ROBO2: variants seen among roughly 807,000 people sequenced by gnomAD.
The protein encoded by ROBO2 is roundabout homolog 2.
ROBO2 carries 53 observed loss-of-function variants against 160.8 expected under a neutral mutation model. The ratio of observed to expected loss-of-function variants is 0.33; its 90% confidence interval spans 0.26 to 0.41. ROBO2 has a LOEUF of 0.41. Ranked by LOEUF, ROBO2 falls within the 10% of genes least tolerant of loss-of-function variation. The pLI is 1.00. For synonymous variants in ROBO2, 664 were observed against 611.7 expected (o/e 1.09, Z -1.26); for missense variants, 1,577 against 1,722.4 (o/e 0.92, Z 1.49).
intron 23 of ROBO2, 57 bp from the exon 25 acceptor site, chr3:77,634,813 G>T: frequency 6.6e-7 from 1 of 1,516,818 alleles, no homozygotes; most frequent in Non-Finnish European, 9.2e-7. Flanking sequence ...ATATAGGACA[G>T]AATCAGTGTG....
At chr3:76,049,426 T>TTTTTTTTTTTG (rs2067579830) in intron 2 of ROBO2, among the ~76,000 whole-genome samples, 1 of 121,378 alleles carries the variant, frequency 8.2e-6, no homozygotes, top group Non-Finnish European at 1.7e-5. Context: ...TTTTTTTTTG[T>TTTTTTTTTTTG]AGAGACAGAG....
At chr3:77,040,143 C>T in exon 1 of ROBO2, 1 of 983,692 alleles carries the variant, frequency 1.0e-6, no homozygotes, top group Non-Finnish European at 1.2e-6. Flanking sequence ...GATTTCCCTT[C>T]TCCTCTCTTT....
At chr3:77,320,348 CTT>C (rs550901151) in intron 2 of ROBO2, among the ~76,000 whole-genome samples, 67 of 152,260 alleles carry the variant, frequency 4.4e-4, no homozygotes, top group African/African-American at 1.5e-3. Context: ...GGAGCCCTCT[CTT>C]GTCTCATTTT....
At chr3:76,349,174 A>T (rs2108267633) in intron 2 of ROBO2, among the ~76,000 whole-genome samples, 1 of 152,258 alleles carries the variant, frequency 6.6e-6, no homozygotes, top group South Asian at 2.1e-4. Context: ...ACATATTTTT[A>T]AAAGATTTTT....
intron 2 of ROBO2, among the ~76,000 whole-genome samples, chr3:77,181,595 C>T (rs6419723): frequency 0.34 from 51,677 of 151,908 alleles, 9,327 homozygotes; most frequent in Middle Eastern, 0.48. Flanking sequence ...TGTATCCCCC[C>T]TTCTAAAGTT....
intron 2 of ROBO2, among the ~76,000 whole-genome samples, chr3:76,819,170 G>A (rs1341515845): frequency 6.6e-6 from 1 of 152,078 alleles, no homozygotes; most frequent in African/African-American, 2.4e-5. Context: ...ATTACACAAA[G>A]CGGAGAGTGC....
chr3:76,992,369 A>T (rs6793367), intron 2 of ROBO2, among the ~76,000 whole-genome samples: 1,707 of 29,888 alleles, frequency 0.057, 43 homozygotes, highest in East Asian at 0.14. Context: ...ATATATATAT[A>T]AATTTAGCTT....
chr3:76,501,320 T>C (rs1036740588), intron 2 of ROBO2, among the ~76,000 whole-genome samples: 1 of 152,192 alleles, frequency 6.6e-6, no homozygotes, highest in Non-Finnish European at 1.5e-5. Context: ...TGTATAATAA[T>C]TGGACCCAAA....
chr3:76,471,021 G>C (rs920073746), intron 2 of ROBO2, among the ~76,000 whole-genome samples: 47 of 146,908 alleles, frequency 3.2e-4, no homozygotes, highest in Admixed American at 8.0e-4. Context: ...TATTTGCTAG[G>C]TTTTTCTAAC....
chr3:77,476,856 C>T (rs1327657066), intron 2 of ROBO2, among the ~76,000 whole-genome samples: 2 of 152,108 alleles, frequency 1.3e-5, no homozygotes, highest in Non-Finnish European at 2.9e-5. Context: ...AAATGTAGCC[C>T]TGCGTATGTG....
intron 2 of ROBO2, among the ~76,000 whole-genome samples, chr3:76,268,370 A>G (rs966387414): frequency 6.6e-6 from 1 of 152,168 alleles, no homozygotes; most frequent in Non-Finnish European, 1.5e-5. Context: ...GGGCTGTCAT[A>G]ACAAAATATG....
chr3:76,851,804 TA>T (rs1302835107), intron 2 of ROBO2, among the ~76,000 whole-genome samples: 1 of 148,790 alleles, frequency 6.7e-6, no homozygotes, highest in Non-Finnish European at 1.5e-5. Flanking sequence ...ATTAAGTGAA[TA>T]TTTCAACAGT....
In ROBO2 at chr3:76,037,241, C is replaced by G. The variant is rs1017258633; in HGVS notation, c.109+99639C>G. On this transcript the variant is annotated intron_variant, in intron 2 of 26. Transcript: ENST00000487694. ...AGAAACACATGCTAAATTAAAAATG[C>G]ATGTACATTTTCTTTTTTCTTTTTT... 1.9e-4 allele frequency among the ~76,000 whole-genome samples: 28 copies of G among 150,934 alleles called. 1 individual carries two copies. The highest frequency in any genetic ancestry group is 6.4e-4 in the African/African-American group (26 of 40,750).
At chr3:76,726,309 T>C (rs561056341) in intron 2 of ROBO2, among the ~76,000 whole-genome samples, 1 of 152,248 alleles carries the variant, frequency 6.6e-6, no homozygotes, top group East Asian at 1.9e-4. Flanking sequence ...ATACGCTTCA[T>C]TTTTCAGAAA....
chr3:75,964,304 A>T (rs1030739773), intron 2 of ROBO2, among the ~76,000 whole-genome samples: 1 of 151,814 alleles, frequency 6.6e-6, no homozygotes, highest in Non-Finnish European at 1.5e-5. Flanking sequence ...ATTGATTGGA[A>T]TGTGCAGGAA....
At chr3:77,383,225 C>G (rs186518090) in intron 2 of ROBO2, among the ~76,000 whole-genome samples, 1 of 151,992 alleles carries the variant, frequency 6.6e-6, no homozygotes, top group South Asian at 2.1e-4. Context: ...ATAATTTAAC[C>G]TCAATTTTCT....
chr3:76,667,555 A>C (rs1171542230), intron 2 of ROBO2, among the ~76,000 whole-genome samples: 2 of 142,342 alleles, frequency 1.4e-5, no homozygotes, highest in Non-Finnish European at 3.0e-5. Flanking sequence ...TAAAATAAGC[A>C]GGTTAATGAT....
intron 2 of ROBO2, among the ~76,000 whole-genome samples, chr3:76,194,643 C>T (rs376124927): frequency 2.7e-5 from 4 of 148,770 alleles, no homozygotes; most frequent in Middle Eastern, 3.2e-3. Context: ...TTTTTTTAGA[C>T]GGAGTCTCGC....
At position 76,612,858 on chromosome 3, in the gene ROBO2, G is replaced by C. The variant is rs2088245334; in HGVS notation, c.110-485156G>C. ...TCCTTTGTCTCTTTTTGTAGTTTTT[G>C]TTTTGAAGTCTATTTTTTTCTGACA... On this transcript the variant is annotated intron_variant, in intron 2 of 26. Coordinates refer to the ROBO2 transcript ENST00000487694. Among the ~76,000 whole-genome samples the C allele has an allele frequency of 2.0e-5, 3 of 151,852 alleles. No individual in the cohort carries two copies. The South Asian group carries it at 6.2e-4, about 32-fold the overall frequency.
Sources: allele counts gnomAD v4.1 joint callset (sites outside exome capture counted in the v4.1 genomes callset), GRCh38; gene constraint gnomAD v4.1.1; transcripts MANE v1.5; gene names NCBI Gene and HGNC (gene_info 2026-07-23, HGNC 2026-07-21).